TRERF1: variants seen among roughly 807,000 people sequenced by gnomAD.
TRERF1 encodes the protein transcriptional-regulating factor 1.
A neutral mutation model predicts 122.9 loss-of-function variants in TRERF1; 27 were observed. The ratio of observed to expected loss-of-function variants is 0.22; its 90% CI spans 0.16 to 0.30. The LOEUF (loss-of-function observed/expected upper bound fraction) is 0.30, where lower values mean the gene tolerates loss of function less well. Ranked by LOEUF, TRERF1 falls within the 10% of genes least tolerant of loss-of-function variation. The probability of loss-of-function intolerance (pLI) is 1.00; values close to 1 mark genes in which losing one functional copy is unlikely to be tolerated. For missense variants in TRERF1, 1,248 were observed against 1,560.3 expected (o/e 0.80, Z 3.37); for synonymous variants, 636 against 641.7 (o/e 0.99, Z 0.13).
intron 3 of TRERF1, among the ~76,000 whole-genome samples, chr6:42,339,423 G>A (rs909101055): frequency 2.6e-5 from 4 of 151,972 alleles, no homozygotes; most frequent in Non-Finnish European, 4.4e-5. Context: ...TAGCAGGGTC[G>A]GAAAACCAAC....
intron 2 of TRERF1, among the ~76,000 whole-genome samples, chr6:42,391,097 C>T (rs1007464189): frequency 1.3e-5 from 2 of 152,198 alleles, no homozygotes; most frequent in Non-Finnish European, 2.9e-5. Flanking sequence ...GGACCAAGAG[C>T]TGTTATCACA....
chr6:42,274,736 T>C (rs1461936544), intron 4 of TRERF1, among the ~76,000 whole-genome samples: 1 of 152,110 alleles, frequency 6.6e-6, no homozygotes, highest in Non-Finnish European at 1.5e-5. Flanking sequence ...GAAAATGATT[T>C]TTCCTAAAAC....
chr6:42,437,458 T>A (rs1464112470), intron 2 of TRERF1, among the ~76,000 whole-genome samples: 1 of 152,190 alleles, frequency 6.6e-6, no homozygotes, highest in Non-Finnish European at 1.5e-5. Flanking sequence ...TGCATTTTTT[T>A]AAATCTCATT....
chr6:42,279,658 C>A (rs979204995), intron 4 of TRERF1, among the ~76,000 whole-genome samples: 1 of 152,224 alleles, frequency 6.6e-6, no homozygotes, highest in Non-Finnish European at 1.5e-5. Flanking sequence ...CACAGACCAA[C>A]TTCCTCTGCA....
At chr6:42,280,149 G>C (rs945360423) in intron 4 of TRERF1, among the ~76,000 whole-genome samples, 5 of 152,030 alleles carry the variant, frequency 3.3e-5, no homozygotes, top group African/African-American at 1.2e-4. Context: ...GCAATGCCAC[G>C]GTCCCAAGCT....
chr6:42,317,983 G>A (rs1048158289), intron 3 of TRERF1, among the ~76,000 whole-genome samples: 3 of 151,880 alleles, frequency 2.0e-5, no homozygotes, highest in African/African-American at 2.4e-5. Flanking sequence ...GCAAAACCCC[G>A]TCTCTACTAA....
chr6:42,428,378 G>A (rs978471354), intron 2 of TRERF1, among the ~76,000 whole-genome samples: 5 of 152,186 alleles, frequency 3.3e-5, no homozygotes, highest in African/African-American at 7.2e-5. Context: ...ATTATGGCCC[G>A]AGTACCCGAA....
intron 3 of TRERF1, among the ~76,000 whole-genome samples, chr6:42,360,623 G>A (rs900837082): frequency 4.0e-5 from 6 of 151,596 alleles, no homozygotes; most frequent in Non-Finnish European, 5.9e-5. Flanking sequence ...TGTCAGCTGC[G>A]GCTCCCAAGT....
chr6:42,362,898 A>G (rs779428374), intron 3 of TRERF1, 99 bp downstream of exon 3: 1 of 153,714 alleles, frequency 6.5e-6, no homozygotes, highest in Non-Finnish European at 1.5e-5. Flanking sequence ...GCCCTCCTCC[A>G]CTTCCTGGGG....
intron 4 of TRERF1, among the ~76,000 whole-genome samples, chr6:42,274,001 A>G (rs2149962218): frequency 6.6e-6 from 1 of 152,334 alleles, no homozygotes; most frequent in South Asian, 2.1e-4. Flanking sequence ...GAGTTGCAGG[A>G]GGCTATTCTT....
At chr6:42,260,794 T>C (rs1408727448) in intron 8 of TRERF1, among the ~76,000 whole-genome samples, 1 of 152,126 alleles carries the variant, frequency 6.6e-6, no homozygotes, top group African/African-American at 2.4e-5. Context: ...CATGTGACCA[T>C]CTGCCTCCAG....
chr6:42,272,854 T>C (rs548779088), intron 4 of TRERF1, among the ~76,000 whole-genome samples: 36 of 152,244 alleles, frequency 2.4e-4, no homozygotes, highest in African/African-American at 8.2e-4. Flanking sequence ...CCCCCAAAGA[T>C]TGCCCCCAGC....
At chr6:42,442,176 G>C (rs1786641737) in intron 2 of TRERF1, among the ~76,000 whole-genome samples, 1 of 151,836 alleles carries the variant, frequency 6.6e-6, no homozygotes, top group African/African-American at 2.4e-5. Flanking sequence ...AGGGAGCTTG[G>C]TATCTCCTAT....
At chr6:42,251,029 C>A (rs1427946776) in intron 13 of TRERF1, among the ~76,000 whole-genome samples, 21 of 124,524 alleles carry the variant, frequency 1.7e-4, no homozygotes, top group South Asian at 2.7e-4. Context: ...CAGGGTCTCA[C>A]TCTGTCGCCC....
At chr6:42,445,761 C>G (rs1787403345) in intron 2 of TRERF1, among the ~76,000 whole-genome samples, 1 of 152,120 alleles carries the variant, frequency 6.6e-6, no homozygotes, top group African/African-American at 2.4e-5. Context: ...TCACACCCAC[C>G]CACTCCTCTC....
intron 4 of TRERF1, among the ~76,000 whole-genome samples, chr6:42,274,828 T>C (rs1045779735): frequency 4.6e-5 from 7 of 152,242 alleles, no homozygotes; most frequent in African/African-American, 1.7e-4. Context: ...TATATTCACA[T>C]GGTTCAAAAT....
intron 2 of TRERF1, among the ~76,000 whole-genome samples, chr6:42,417,258 C>T (rs1299995034): frequency 6.6e-6 from 1 of 152,122 alleles, no homozygotes. Context: ...GCCCATTCCC[C>T]TCTCAGTGGA....
chr6:42,432,207 C>A (rs571125103), intron 2 of TRERF1, among the ~76,000 whole-genome samples: 1 of 152,114 alleles, frequency 6.6e-6, no homozygotes, highest in South Asian at 2.1e-4. Context: ...TTGTCTGGCA[C>A]GTGGTGAGCA....
chr6:42,264,734 C>T, exon 7 of TRERF1: 1 of 1,614,132 alleles, frequency 6.2e-7, no homozygotes, highest in East Asian at 2.2e-5. Flanking sequence ...CCCTCATTCC[C>T]CCGTGGGACC....
Sources: gnomAD v4.1 joint callset for allele counts (sites outside exome capture counted in the v4.1 genomes callset) on GRCh38, gnomAD v4.1.1 for gene constraint, MANE v1.5 for transcripts, NCBI Gene and HGNC (gene_info 2026-07-23, HGNC 2026-07-21) for gene names.